The following UBE3D variants were observed in gnomAD, a reference collection of about 807,000 sequenced individuals.
UBE3D encodes the protein ubiquitin protein ligase E3D.
UBE3D carries 48 observed loss-of-function variants against 49.6 expected under a neutral mutation model. That is an observed-to-expected ratio of 0.97 (90% CI 0.77 to 1.23). UBE3D has a LOEUF of 1.23. Ranked by LOEUF, UBE3D falls within the 50% of genes most tolerant of loss-of-function variation. The pLI, the probability that UBE3D is intolerant of heterozygous loss-of-function variation, is 0.00. For missense variants in UBE3D, 452 were observed against 468.4 expected (o/e 0.96, Z 0.32); for synonymous variants, 189 against 174.2 (o/e 1.08, Z -0.67).
Position 83,044,551 on chromosome 6 carries a change from C to T in UBE3D, c.474G>A (p.Glu158=). ...AAGAGTCTCCAATAAAACAGTCATTCTCTTGCGGATGAAGTGATTTATTAG... is the reference window on the plus strand; with the variant it reads ...AAGAGTCTCCAATAAAACAGTCATTTTCTTGCGGATGAAGTGATTTATTAG... ...PFANKSLHPQ[E]NDCFIGDSFF... The change falls in exon 4 of 10, where the codon GAG becomes GAA. Residue 158 remains glutamate, a synonymous_variant. Transcript: ENST00000369747. 1.9e-6 allele frequency: 3 copies of T among 1,614,148 alleles called. No homozygotes were observed. Among genetic ancestry groups the T allele is most frequent in the Non-Finnish European group, 2.5e-6 (3 of 1,180,010 alleles).
Position 83,027,434 on chromosome 6 carries a change from C to CAAAA in UBE3D, c.668-3400_668-3397dup, listed in dbSNP as rs61225462. 4.4e-3 allele frequency among the ~76,000 whole-genome samples: 153 copies of CAAAA among 34,630 alleles called. 18 individuals are homozygous for CAAAA. Among genetic ancestry groups the CAAAA allele is most frequent in the African/African-American group, 0.016 (146 of 9,140 alleles). 22.7% of individuals were successfully genotyped at this position (34,630 alleles called of 152,430 possible). On this transcript the variant is annotated intron_variant, in intron 5 of 9. Coordinates refer to ENST00000369747, the MANE Select transcript of UBE3D (RefSeq NM_198920.3). ...CTGGCGACAGAGCGAGACTCCGTCTCAAAAAAAAAAAAAAAAAAAAAAAAA... is the reference window on the plus strand; with the variant it reads ...CTGGCGACAGAGCGAGACTCCGTCTCAAAAAAAAAAAAAAAAAAAAAAAAAAAAA...
chr6:82,893,537 A>C (rs2127710183), intron 9 of UBE3D, among the ~76,000 whole-genome samples: 1 of 152,336 alleles, frequency 6.6e-6, no homozygotes, highest in Admixed American at 6.5e-5. Context: ...AGTCTTACGA[A>C]CAAACTATTT....
chr6:82,933,774 G>A (rs1313993410), intron 9 of UBE3D, among the ~76,000 whole-genome samples: 1 of 152,098 alleles, frequency 6.6e-6, no homozygotes, highest in African/African-American at 2.4e-5. Flanking sequence ...TCAAATATCA[G>A]GCAATGACAG....
chr6:82,927,591 G>A (rs1175550361), intron 9 of UBE3D, among the ~76,000 whole-genome samples: 6 of 151,904 alleles, frequency 3.9e-5, no homozygotes, highest in Non-Finnish European at 5.9e-5. Flanking sequence ...TATTTTGCTA[G>A]ATTTATATCT....
At position 82,961,572 on chromosome 6, in the gene UBE3D, C is replaced by CACTG. The variant is rs144756943; in HGVS notation, c.1011-4126_1011-4123dup. 2.7e-4 allele frequency among the ~76,000 whole-genome samples: 41 copies of CACTG among 152,358 alleles called. No individual in the cohort carries two copies. In the East Asian group the frequency reaches 7.5e-3, roughly 28 times the overall value. ...AGTCTGTGCTATTCGCACCACACCA[C>CACTG]ACTGACTGCTGAGGACACTGTATAT... On this transcript the variant is annotated intron_variant, in intron 8 of 9. Transcript: ENST00000369747.
chr6:82,923,608 T>C (rs1293380836), intron 9 of UBE3D, among the ~76,000 whole-genome samples: 2 of 152,176 alleles, frequency 1.3e-5, no homozygotes, highest in African/African-American at 4.8e-5. Context: ...GAGAAATACC[T>C]AATGTAGGTG....
chr6:83,001,452 A>G (rs1274766299), intron 8 of UBE3D, among the ~76,000 whole-genome samples: 1 of 152,214 alleles, frequency 6.6e-6, no homozygotes, highest in Admixed American at 6.5e-5. Flanking sequence ...CTTACAATTC[A>G]GCTTCTTTTG....
intron 9 of UBE3D, among the ~76,000 whole-genome samples, chr6:82,933,095 T>C (rs1205144798): frequency 6.6e-6 from 1 of 152,140 alleles, no homozygotes; most frequent in Non-Finnish European, 1.5e-5. Context: ...TGGGGGAAGA[T>C]ACTAACAAAA....
Position 82,957,445 on chromosome 6 carries a change from A to C in UBE3D, c.1016T>G (p.Val339Gly). Residue 339 changes from valine to glycine, a missense_variant, in exon 9 of 10, where the codon GTC (valine) becomes GGC (glycine). Val to Gly is a moderately radical substitution (Grantham distance 109). Coordinates refer to ENST00000369747, the MANE Select transcript of UBE3D (RefSeq NM_198920.3). Reference protein sequence around the residue: ...PCIKSRNEKLVSLWESDISVH... With the variant: ...PCIKSRNEKLGSLWESDISVH... Reference sequence around the variant, plus strand: ...GCTGATGTCACTTTCCCACAAGCTGACAAGTCTGGAACACACCAACACATT... The same window carrying C: ...GCTGATGTCACTTTCCCACAAGCTGCCAAGTCTGGAACACACCAACACATT... 6.2e-7 allele frequency: 1 copy of C among 1,614,024 alleles called. No homozygotes were observed. Among genetic ancestry groups the C allele is most frequent in the East Asian group, 2.2e-5 (1 of 44,876 alleles).
At chr6:82,914,475 G>GT (rs1434974079) in intron 9 of UBE3D, among the ~76,000 whole-genome samples, 1 of 152,182 alleles carries the variant, frequency 6.6e-6, no homozygotes, top group East Asian at 1.9e-4. Flanking sequence ...AATGTGTCCA[G>GT]TGCAGACACA....
intron 3 of UBE3D, among the ~76,000 whole-genome samples, chr6:83,046,685 C>CCCCGG (rs1783079026): frequency 1.7e-5 from 1 of 59,590 alleles, no homozygotes; most frequent in African/African-American, 6.9e-5. Context: ...GGGGGGTGGG[C>CCCCGG]GGTGGCACCG....
chr6:82,961,971 A>G (rs370935723), intron 8 of UBE3D, among the ~76,000 whole-genome samples: 116 of 134,236 alleles, frequency 8.6e-4, no homozygotes, highest in Non-Finnish European at 1.4e-3. Flanking sequence ...AACAAAAAAG[A>G]TGCTAATTTA....
chr6:83,053,252 T>C (rs896011549), intron 3 of UBE3D, among the ~76,000 whole-genome samples: 7 of 144,776 alleles, frequency 4.8e-5, no homozygotes, highest in African/African-American at 1.8e-4. Flanking sequence ...ACCAGGTTTC[T>C]ACCTTGAGGA....
intron 9 of UBE3D, among the ~76,000 whole-genome samples, chr6:82,904,751 T>A (rs1257630279): frequency 6.6e-6 from 1 of 152,220 alleles, no homozygotes; most frequent in Admixed American, 6.6e-5. Flanking sequence ...ATTGTGTATA[T>A]AAATATCCAA....
intron 8 of UBE3D, among the ~76,000 whole-genome samples, chr6:82,992,949 T>C (rs377092957): frequency 1.6e-3 from 251 of 152,238 alleles, no homozygotes; most frequent in African/African-American, 5.8e-3. Context: ...AGTCCCATTA[T>C]TAGAGTATGT....
intron 9 of UBE3D, among the ~76,000 whole-genome samples, chr6:82,897,606 C>CTAAT (rs1166804307): frequency 6.6e-6 from 1 of 151,914 alleles, no homozygotes; most frequent in African/African-American, 2.4e-5. Context: ...AATAAATAAA[C>CTAAT]TAATTAATTA....
chr6:82,953,257 T>G, intron 9 of UBE3D, among the ~76,000 whole-genome samples: 1 of 152,240 alleles, frequency 6.6e-6, no homozygotes, highest in East Asian at 1.9e-4. Context: ...ATTCCCATAT[T>G]CCCTACTGTG....
intron 9 of UBE3D, among the ~76,000 whole-genome samples, chr6:82,918,269 A>T (rs1371074963): frequency 3.3e-5 from 5 of 150,686 alleles, no homozygotes; most frequent in African/African-American, 1.2e-4. Flanking sequence ...GATAATGGGT[A>T]AAAAACAACA....
At chr6:83,030,852 G>T (rs1781815233) in intron 5 of UBE3D, among the ~76,000 whole-genome samples, 1 of 152,132 alleles carries the variant, frequency 6.6e-6, no homozygotes, top group South Asian at 2.1e-4. Context: ...CCAGGGTGAG[G>T]TGGTCTCAGA....
Sources: gnomAD v4.1 joint callset for allele counts (sites outside exome capture counted in the v4.1 genomes callset) on GRCh38, gnomAD v4.1.1 for gene constraint, MANE v1.5 for transcripts, NCBI Gene and HGNC (gene_info 2026-07-23, HGNC 2026-07-21) for gene names.